The following GPC5 variants were observed in gnomAD, a reference collection of about 807,000 sequenced individuals.
The protein encoded by GPC5 is glypican-5.
A neutral mutation model predicts 53.9 loss-of-function variants in GPC5; 47 were observed. The observed-to-expected ratio is 0.87, with a 90% confidence interval of 0.69 to 1.11. GPC5 has a LOEUF of 1.11. GPC5 is among the 50% of genes most tolerant of loss of function. The pLI, the probability that GPC5 is intolerant of heterozygous loss-of-function variation, is 0.00. For synonymous variants in GPC5, 286 were observed against 263.3 expected, an observed-to-expected ratio of 1.09 and a Z score of -0.84; for missense variants, 748 against 713.1, an observed-to-expected ratio of 1.05 and a Z score of -0.56.
chr13:91,434,344 T>C (rs1034533681), intron 1 of GPC5, among the ~76,000 whole-genome samples: 1 of 152,110 alleles, frequency 6.6e-6, no homozygotes, highest in South Asian at 2.1e-4. Context: ...GGTCTAACAT[T>C]TAAGTCTTTA....
intron 7 of GPC5, among the ~76,000 whole-genome samples, chr13:92,851,960 GA>G (rs992891806): frequency 3.3e-5 from 5 of 151,768 alleles, no homozygotes; most frequent in Middle Eastern, 3.4e-3. Context: ...TGACCAGGAG[GA>G]AAGTTAGGCT....
chr13:92,431,560 T>C (rs139841594), intron 7 of GPC5, among the ~76,000 whole-genome samples: 3 of 152,178 alleles, frequency 2.0e-5, no homozygotes, highest in African/African-American at 7.2e-5. Context: ...ATAATTAATA[T>C]TTAGAAGCAA....
intron 3 of GPC5, among the ~76,000 whole-genome samples, chr13:91,694,955 G>T (rs1465578704): frequency 6.6e-6 from 1 of 152,150 alleles, no homozygotes; most frequent in East Asian, 1.9e-4. Context: ...TTTAATTAAT[G>T]ACTGATAGAA....
intron 6 of GPC5, among the ~76,000 whole-genome samples, chr13:92,125,491 A>C (rs1384482795): frequency 6.6e-6 from 1 of 152,188 alleles, no homozygotes; most frequent in Non-Finnish European, 1.5e-5. Flanking sequence ...AATGATGTAA[A>C]AGATAAATGT....
intron 7 of GPC5, among the ~76,000 whole-genome samples, chr13:92,401,177 ATT>A (rs76161192): frequency 2.0e-4 from 28 of 140,732 alleles, no homozygotes; most frequent in African/African-American, 7.0e-4. Flanking sequence ...CTAGCCATCT[ATT>A]TTTTTTTTTT....
chr13:92,493,775 G>A (rs895289855), intron 7 of GPC5, among the ~76,000 whole-genome samples: 2 of 152,116 alleles, frequency 1.3e-5, no homozygotes, highest in Non-Finnish European at 2.9e-5. Context: ...CAGACGTAGC[G>A]CTAGCAATTC....
At chr13:91,892,557 AT>A (rs2138971040) in intron 5 of GPC5, among the ~76,000 whole-genome samples, 1 of 151,824 alleles carries the variant, frequency 6.6e-6, no homozygotes, top group East Asian at 1.9e-4. Context: ...AGTAACACTA[AT>A]TTTTAGTGAA....
chr13:91,710,960 T>G (rs2036212496), intron 3 of GPC5, among the ~76,000 whole-genome samples: 1 of 152,162 alleles, frequency 6.6e-6, no homozygotes, highest in South Asian at 2.1e-4. Flanking sequence ...TGTCAAAGGC[T>G]CTAAGAAATC....
chr13:91,618,256 T>C (rs541135681), intron 2 of GPC5, among the ~76,000 whole-genome samples: 1 of 152,238 alleles, frequency 6.6e-6, no homozygotes, highest in East Asian at 1.9e-4. Context: ...GAGTTCAAGT[T>C]CTTGGACATT....
intron 7 of GPC5, among the ~76,000 whole-genome samples, chr13:92,502,828 T>A (rs1229978624): frequency 6.6e-6 from 1 of 151,980 alleles, no homozygotes; most frequent in Non-Finnish European, 1.5e-5. Context: ...ACCTAAGCTG[T>A]GACATCAATC....
chr13:92,755,861 C>A (rs569199035), intron 7 of GPC5, among the ~76,000 whole-genome samples: 25 of 144,094 alleles, frequency 1.7e-4, no homozygotes, highest in African/African-American at 6.4e-4. Flanking sequence ...CAAAAAGAGT[C>A]CAGGACCAGA....
At chr13:91,799,572 C>A (rs557527038) in intron 5 of GPC5, among the ~76,000 whole-genome samples, 1 of 152,174 alleles carries the variant, frequency 6.6e-6, no homozygotes, top group Non-Finnish European at 1.5e-5. Flanking sequence ...GTCTCTTCCC[C>A]CTATACTATA....
intron 6 of GPC5, among the ~76,000 whole-genome samples, chr13:92,079,452 G>A (rs897675932): frequency 1.3e-5 from 2 of 152,140 alleles, no homozygotes; most frequent in Non-Finnish European, 2.9e-5. Flanking sequence ...CAAATTGCTG[G>A]CATTTCTTTA....
rs187181804 is a variant in GPC5 at position 91,437,342 on chromosome 13, T to C, written c.164-11419T>C. Reference sequence around the variant, plus strand: ...GGCTGGTACCAATTGTTCCTTTCCATGTTTAGTGCTTCCTTCGGGAGCTCT... The same window carrying C: ...GGCTGGTACCAATTGTTCCTTTCCACGTTTAGTGCTTCCTTCGGGAGCTCT... On this transcript the variant is annotated intron_variant, in intron 1 of 7. Transcript: ENST00000377067. Among the ~76,000 whole-genome samples the C allele has an allele frequency of 3.4e-3, 518 of 152,310 alleles. 6 individuals are homozygous for C. The highest frequency in any genetic ancestry group is 5.3e-3 in the Non-Finnish European group (359 of 68,022).
intron 7 of GPC5, among the ~76,000 whole-genome samples, chr13:92,605,576 G>GTTT (rs55887927): frequency 0.014 from 2,014 of 139,224 alleles, 163 homozygotes; most frequent in African/African-American, 0.045. Flanking sequence ...GTATTCACTA[G>GTTT]TTTTTTTTTT....
At chr13:92,091,472 T>C (rs1288806515) in intron 6 of GPC5, among the ~76,000 whole-genome samples, 1 of 151,932 alleles carries the variant, frequency 6.6e-6, no homozygotes, top group African/African-American at 2.4e-5. Flanking sequence ...TATTTAAAAA[T>C]ATTAAATTTA....
intron 6 of GPC5, among the ~76,000 whole-genome samples, chr13:91,930,872 G>A (rs998712320): frequency 1.1e-4 from 16 of 151,988 alleles, no homozygotes; most frequent in African/African-American, 3.4e-4. Context: ...ATTGAAAAGC[G>A]TGATCTAAGT....
At chr13:92,360,053 T>G (rs561991842) in intron 7 of GPC5, among the ~76,000 whole-genome samples, 3 of 151,944 alleles carry the variant, frequency 2.0e-5, no homozygotes, top group Non-Finnish European at 4.4e-5. Flanking sequence ...TATTTCCTTT[T>G]GCTGTGCAGA....
At chr13:92,362,660 C>T (rs763639653) in intron 7 of GPC5, among the ~76,000 whole-genome samples, 1 of 151,712 alleles carries the variant, frequency 6.6e-6, no homozygotes, top group Non-Finnish European at 1.5e-5. Context: ...GTTTTGATGG[C>T]CCTTTGGTTT....
Sources: gnomAD v4.1 joint callset for allele counts (sites outside exome capture counted in the v4.1 genomes callset) on GRCh38, gnomAD v4.1.1 for gene constraint, MANE v1.5 for transcripts, NCBI Gene and HGNC (gene_info 2026-07-23, HGNC 2026-07-21) for gene names.